The following NUBPL variants were observed in gnomAD, a reference collection of about 807,000 sequenced individuals.
NUBPL encodes iron-sulfur cluster transfer protein NUBPL.
NUBPL carries 31 observed loss-of-function variants against 45.7 expected under a neutral mutation model. The observed-to-expected ratio is 0.68, with a 90% CI of 0.51 to 0.92. The LOEUF is 0.92. Ranked by LOEUF, NUBPL falls within the 40% of genes least tolerant of loss-of-function variation. The pLI, the probability that NUBPL is intolerant of heterozygous loss-of-function variation, is 0.00. For missense variants in NUBPL, 401 were observed against 398.7 expected (o/e 1.01, Z -0.05); for synonymous variants, 144 against 140.9 (o/e 1.02, Z -0.15).
chr14:31,664,224 A>G (rs553453096), intron 4 of NUBPL, among the ~76,000 whole-genome samples: 37 of 152,202 alleles, frequency 2.4e-4, no homozygotes, highest in African/African-American at 8.9e-4. Context: ...AATACACTTT[A>G]TTTCTTTCTC....
chr14:31,639,187 C>G (rs1381003534), intron 4 of NUBPL, among the ~76,000 whole-genome samples: 1 of 152,156 alleles, frequency 6.6e-6, no homozygotes, highest in Non-Finnish European at 1.5e-5. Flanking sequence ...TCCAGTTTTT[C>G]TGCTCCATTT....
chr14:31,597,085 G>C (rs564417161), intron 3 of NUBPL, among the ~76,000 whole-genome samples: 85 of 152,022 alleles, frequency 5.6e-4, no homozygotes, highest in Non-Finnish European at 1.0e-3. Flanking sequence ...TAATCCCTTT[G>C]CTCCTCTCTC....
intron 6 of NUBPL, among the ~76,000 whole-genome samples, chr14:31,740,315 G>A (rs762980931): frequency 2.0e-5 from 3 of 152,172 alleles, no homozygotes; most frequent in Non-Finnish European, 4.4e-5. Flanking sequence ...CCATCATTTG[G>A]TGGTGTCAGT....
At chr14:31,762,243 T>G (rs1224946048) in intron 6 of NUBPL, among the ~76,000 whole-genome samples, 1 of 152,230 alleles carries the variant, frequency 6.6e-6, no homozygotes, top group Non-Finnish European at 1.5e-5. Context: ...GCTCAATCAT[T>G]TGGGAAGTTG....
chr14:31,622,997 T>C (rs1037548213), intron 4 of NUBPL, among the ~76,000 whole-genome samples: 1 of 152,216 alleles, frequency 6.6e-6, no homozygotes, highest in Non-Finnish European at 1.5e-5. Flanking sequence ...TCAATGTCAG[T>C]TCATGAAAGC....
chr14:31,613,906 T>A (rs2034828883), intron 4 of NUBPL, among the ~76,000 whole-genome samples: 1 of 151,556 alleles, frequency 6.6e-6, no homozygotes. Flanking sequence ...AAATTAAAAA[T>A]AAAAAATTAA....
intron 6 of NUBPL, among the ~76,000 whole-genome samples, chr14:31,751,477 G>A (rs2038528424): frequency 6.6e-6 from 1 of 152,264 alleles, no homozygotes; most frequent in Non-Finnish European, 1.5e-5. Flanking sequence ...AAACCTGGCA[G>A]GGCACCCATT....
chr14:31,561,548 G>C lies in NUBPL; in HGVS notation c.108+1G>C, dbSNP rs1256576150. 2.2e-6 allele frequency: 3 copies of C among 1,378,484 alleles called. No homozygotes were observed. 85.4% of individuals were successfully genotyped at this position (1,378,484 alleles called of 1,614,324 possible). ...CCGAGCGATGGTTTGTGGGCGCCAG[G>C]TCCGTGGTGCTGCAGGGCAGGGGGA... On this transcript the variant is annotated splice_donor_variant, in intron 1 of 10. Transcript: ENST00000281081. LOFTEE classifies it high-confidence loss of function.
chr14:31,802,256 A>G (rs539135320), intron 7 of NUBPL, among the ~76,000 whole-genome samples: 1 of 144,828 alleles, frequency 6.9e-6, no homozygotes, highest in Non-Finnish European at 1.5e-5. Flanking sequence ...TTAGCACACG[A>G]TTTACTTGCC....
At chr14:31,678,020 G>A (rs553873888) in intron 6 of NUBPL, among the ~76,000 whole-genome samples, 1 of 152,334 alleles carries the variant, frequency 6.6e-6, no homozygotes, top group African/African-American at 2.4e-5. Context: ...AGCATGAGGT[G>A]CAGTTCTTCC....
At chr14:31,749,076 C>T (rs1204638384) in intron 6 of NUBPL, among the ~76,000 whole-genome samples, 4 of 152,056 alleles carry the variant, frequency 2.6e-5, no homozygotes, top group South Asian at 2.1e-4. Context: ...AAAAGAAATC[C>T]GTTCAATCAC....
intron 3 of NUBPL, among the ~76,000 whole-genome samples, chr14:31,595,896 T>C (rs1225160404): frequency 6.8e-6 from 1 of 148,046 alleles, no homozygotes; most frequent in African/African-American, 2.5e-5. Context: ...TTTCTGTTAA[T>C]GGACACTGAT....
At chr14:31,661,740 C>A (rs1448986746) in intron 4 of NUBPL, among the ~76,000 whole-genome samples, 1 of 152,134 alleles carries the variant, frequency 6.6e-6, no homozygotes, top group Non-Finnish European at 1.5e-5. Flanking sequence ...CGGGGTTTCA[C>A]CATGTTGGCC....
intron 3 of NUBPL, among the ~76,000 whole-genome samples, chr14:31,592,888 T>C (rs969297547): frequency 2.0e-5 from 3 of 152,182 alleles, no homozygotes; most frequent in Non-Finnish European, 4.4e-5. Context: ...GTTCTGGGTA[T>C]ATAGTAGTGA....
At chr14:31,636,305 T>C (rs1276324097) in intron 4 of NUBPL, among the ~76,000 whole-genome samples, 3 of 152,064 alleles carry the variant, frequency 2.0e-5, no homozygotes, top group African/African-American at 7.2e-5. Flanking sequence ...CATGAAGCGT[T>C]GTTGAATTTT....
chr14:31,789,864 G>A (rs1265588705), intron 7 of NUBPL, among the ~76,000 whole-genome samples: 1 of 150,514 alleles, frequency 6.6e-6, no homozygotes, highest in Admixed American at 6.6e-5. Context: ...GGAGTAAAAT[G>A]ATATATGAAA....
intron 7 of NUBPL, among the ~76,000 whole-genome samples, chr14:31,799,559 G>A (rs550889929): frequency 1.5e-3 from 224 of 152,270 alleles, no homozygotes; most frequent in African/African-American, 4.9e-3. Context: ...TCGTAATCAA[G>A]CAAGTTGCAT....
intron 2 of NUBPL, among the ~76,000 whole-genome samples, chr14:31,564,503 T>A (rs2033383037): frequency 1.1e-5 from 1 of 93,832 alleles, no homozygotes; most frequent in South Asian, 3.5e-4. Context: ...AGACCCTGTC[T>A]GTAAAAAAAA....
chr14:31,643,086 C>T, intron 4 of NUBPL, among the ~76,000 whole-genome samples: 1 of 151,960 alleles, frequency 6.6e-6, no homozygotes, highest in Non-Finnish European at 1.5e-5. Flanking sequence ...TGTATAATAT[C>T]ATGTTATCTG....
Sources: allele counts gnomAD v4.1 joint callset (sites outside exome capture counted in the v4.1 genomes callset), GRCh38; gene constraint gnomAD v4.1.1; transcripts MANE v1.5; gene names NCBI Gene and HGNC (gene_info 2026-07-23, HGNC 2026-07-21).